The following SLC37A2 variants were observed in gnomAD, a reference collection of about 807,000 sequenced individuals.
SLC37A2 encodes the protein solute carrier family 37 member 2.
SLC37A2 carries 59 observed loss-of-function variants against 70.7 expected under a neutral mutation model. The observed-to-expected ratio is 0.83, with a 90% CI of 0.68 to 1.04. SLC37A2 has a LOEUF of 1.04. Ranked by LOEUF, SLC37A2 falls within the 50% of genes least tolerant of loss-of-function variation. SLC37A2 has a pLI of 0.00. For missense variants in SLC37A2, 580 were observed against 658.1 expected, an observed-to-expected ratio of 0.88 and a Z score of 1.30; for synonymous variants, 257 against 262.1, an observed-to-expected ratio of 0.98 and a Z score of 0.19.
rs1436881367 is a variant in SLC37A2 at position 125,085,665 on chromosome 11, A to G, written c.1416A>G (p.Leu472=). 6.2e-7 allele frequency: 1 copy of G among 1,612,822 alleles called. No homozygotes were observed. Among genetic ancestry groups the G allele is most frequent in the African/African-American group, 1.3e-5 (1 of 74,954 alleles). Residue 472 remains leucine, a synonymous_variant, in exon 16 of 18, where the codon CTA becomes CTG. Coordinates refer to ENST00000403796, the MANE Select transcript of SLC37A2 (RefSeq NM_001145290.2). ...VFYMLISADV[L]ACLLLCRLVY... is the part of the protein sequence containing the mutation. ...ACATGCTCATCTCTGCCGACGTCCT[A>G]GCCTGCTTGGTAAGAGTCTTGGGGT...
intron 1 of SLC37A2, among the ~76,000 whole-genome samples, chr11:125,073,453 G>T (rs1949050575): frequency 6.6e-6 from 1 of 152,228 alleles, no homozygotes; most frequent in South Asian, 2.1e-4. Context: ...TTCAGCCCCT[G>T]ACCCTACTCG....
intron 1 of SLC37A2, among the ~76,000 whole-genome samples, chr11:125,073,283 T>G (rs1949048650): frequency 6.6e-6 from 1 of 152,210 alleles, no homozygotes; most frequent in African/African-American, 2.4e-5. Flanking sequence ...GGGCCCACCA[T>G]GGAAGGCCAG....
chr11:125,070,349 G>A (rs1401651299), intron 1 of SLC37A2, among the ~76,000 whole-genome samples: 1 of 152,172 alleles, frequency 6.6e-6, no homozygotes, highest in Non-Finnish European at 1.5e-5. Flanking sequence ...TTCATACTGA[G>A]AGAAAATCTG....
chr11:125,086,088 T>C, intron 17 of SLC37A2, 70 bp downstream of exon 17: 1 of 1,565,476 alleles, frequency 6.4e-7, no homozygotes, highest in South Asian at 1.1e-5. Flanking sequence ...CAGCGCTCAG[T>C]TTCTCCAAAC....
At position 125,090,463 on chromosome 11, in the gene SLC37A2, C is replaced by T. The variant is rs1270344367; in HGVS notation, c.*2329C>T. ...GCCAGCATTGGCAACTCGCTCGGGT[C>T]CCCTTCCACGCTGTGGGAGCTTTGT... is the stretch of plus-strand genomic sequence containing the variant. On this transcript the variant is annotated 3_prime_UTR_variant, in exon 18 of 18. Transcript: ENST00000403796. Among the ~76,000 whole-genome samples, 3 of 152,186 alleles carry T rather than the reference C, an allele frequency of 2.0e-5. No individual in the cohort carries two copies. Among genetic ancestry groups the T allele is most frequent in the South Asian group, 2.1e-4 (1 of 4,828 alleles).
chr11:125,076,233 C>A (rs1949086448), intron 1 of SLC37A2, among the ~76,000 whole-genome samples: 1 of 152,168 alleles, frequency 6.6e-6, no homozygotes, highest in Non-Finnish European at 1.5e-5. Flanking sequence ...CCACCTGTCC[C>A]ACTGCCACTT....
Position 125,086,524 on chromosome 11 carries a change from G to T in SLC37A2, c.1490+506G>T, listed in dbSNP as rs532536613. 2.9e-4 allele frequency: 140 copies of T among 479,364 alleles called. No homozygotes were observed. The East Asian group carries it at 4.0e-3, about 14-fold the overall frequency. 29.7% of individuals were successfully genotyped at this position (479,364 alleles called of 1,614,324 possible). ...CGGGGACAGAGGAGGCAGAAATAGG[G>T]AAACCAGTTTCCCTCTGAGCTGCGA... On this transcript the variant is annotated intron_variant, in intron 17 of 17. Coordinates refer to ENST00000403796, the MANE Select transcript of SLC37A2 (RefSeq NM_001145290.2).
intron 11 of SLC37A2, among the ~76,000 whole-genome samples, 158 bp downstream of exon 11, chr11:125,084,035 G>C (rs1949177457): frequency 6.6e-6 from 1 of 152,174 alleles, no homozygotes; most frequent in South Asian, 2.1e-4. Flanking sequence ...TGCCTGGCTG[G>C]GTGGGCCTAA....
intron 1 of SLC37A2, among the ~76,000 whole-genome samples, chr11:125,072,527 T>C (rs1169701358): frequency 6.6e-6 from 1 of 152,084 alleles, no homozygotes; most frequent in Non-Finnish European, 1.5e-5. Flanking sequence ...TGGGCTGCCA[T>C]CCCCCCGTCA....
intron 12 of SLC37A2, 81 bp downstream of exon 12, chr11:125,084,400 G>A (rs1164396006): frequency 1.2e-5 from 16 of 1,359,236 alleles, no homozygotes; most frequent in South Asian, 2.4e-5. Context: ...GCACGTCCAC[G>A]CGTTACACAC....
Position 125,088,271 on chromosome 11 carries a change from C to T in SLC37A2, c.*137C>T, listed in dbSNP as rs2135580128. ...AACATTAGCCAGCCCAGCCCAGACC[C>T]CAGGGCTGCCTAAGGACACAGAGAT... On this transcript the variant is annotated 3_prime_UTR_variant, in exon 18 of 18. Transcript: ENST00000403796. The T allele has an allele frequency of 1.0e-6, 1 of 953,356 alleles. No homozygotes were observed. 59.1% of individuals were successfully genotyped at this position (953,356 alleles called of 1,614,324 possible).
intron 1 of SLC37A2, among the ~76,000 whole-genome samples, chr11:125,067,162 A>G (rs1030558331): frequency 2.6e-5 from 4 of 152,008 alleles, no homozygotes; most frequent in Non-Finnish European, 4.4e-5. Flanking sequence ...TTATTTTTGT[A>G]GAGACAGGGT....
rs1949144919 is a variant in SLC37A2 at position 125,081,334 on chromosome 11, C to T, written c.695-87C>T. 2.2e-6 allele frequency: 3 copies of T among 1,353,112 alleles called. No homozygotes were observed. The Admixed American group carries it at 6.1e-5, about 28-fold the overall frequency. 83.8% of individuals were successfully genotyped at this position (1,353,112 alleles called of 1,614,324 possible). On this transcript the variant is annotated intron_variant, in intron 7 of 17. Coordinates refer to ENST00000403796, the MANE Select transcript of SLC37A2 (RefSeq NM_001145290.2). ...GGCTGGTTCCCGGGATGGCTTAGATCCAGTGCAAGGTGAGGGCCTGGCAAT... is the reference window on the plus strand; with the variant it reads ...GGCTGGTTCCCGGGATGGCTTAGATTCAGTGCAAGGTGAGGGCCTGGCAAT...
chr11:125,079,825 C>T (rs946927108), intron 6 of SLC37A2, 65 bp downstream of exon 6: 78 of 1,254,682 alleles, frequency 6.2e-5, no homozygotes, highest in Non-Finnish European at 7.6e-5. Context: ...AGCTGGTCAC[C>T]GTGGCCTCTG....
rs1949211026 is a variant in SLC37A2 at position 125,086,031 on chromosome 11, A to G, written c.1490+13A>G. 1 of 1,612,472 alleles carries G rather than the reference A, an allele frequency of 6.2e-7. No homozygotes were observed. The highest frequency in any genetic ancestry group is 1.3e-5 in the African/African-American group (1 of 74,854). Reference sequence around the variant, plus strand: ...GCAGAGGCAGCGGGTGAGTCCGGGGAGCTGAAGCTGCCCCTCTACCAACCT... The same window carrying G: ...GCAGAGGCAGCGGGTGAGTCCGGGGGGCTGAAGCTGCCCCTCTACCAACCT... On this transcript the variant is annotated intron_variant, in intron 17 of 17. Transcript: ENST00000403796.
In SLC37A2 at chr11:125,085,404, A is replaced by C; in HGVS notation, c.1258A>C (p.Lys420Gln). 1 of 1,613,764 alleles carries C rather than the reference A, an allele frequency of 6.2e-7. No homozygotes were observed. The highest frequency in any genetic ancestry group is 1.1e-5 in the South Asian group (1 of 91,042). Residue 420 changes from lysine to glutamine, a missense_variant, in exon 15 of 18, where the codon AAG (lysine) becomes CAG (glutamine). Coordinates refer to ENST00000403796, the MANE Select transcript of SLC37A2 (RefSeq NM_001145290.2). ...CACTGTCTCTCTCCAGGGGACTCAC[A>C]AGAGCCTGAAGGGCAACGCCAAAGC... ...TAVSADLGTH[K>Q]SLKGNAKALS...
chr11:125,072,313 A>T (rs1438519792), intron 1 of SLC37A2, among the ~76,000 whole-genome samples: 4 of 152,148 alleles, frequency 2.6e-5, no homozygotes, highest in Non-Finnish European at 5.9e-5. Context: ...GCTAATAGTT[A>T]AGAGATAGCT....
At chr11:125,065,225 C>G (rs896099248) in intron 1 of SLC37A2, among the ~76,000 whole-genome samples, 1 of 152,158 alleles carries the variant, frequency 6.6e-6, no homozygotes, top group African/African-American at 2.4e-5. Flanking sequence ...TTTCTACAGT[C>G]TCTCCTGTTT....
chr11:125,084,930 C>A, intron 13 of SLC37A2, 57 bp downstream of exon 13: 1 of 1,608,538 alleles, frequency 6.2e-7, no homozygotes, highest in Non-Finnish European at 8.5e-7. Context: ...CCTTGGGGGC[C>A]CCATGAGGCT....
Sources: allele counts gnomAD v4.1 joint callset (sites outside exome capture counted in the v4.1 genomes callset), GRCh38; gene constraint gnomAD v4.1.1; transcripts MANE v1.5; gene names NCBI Gene and HGNC (gene_info 2026-07-23, HGNC 2026-07-21).